Variants in SAMTOR observed in about 807,000 individuals in gnomAD.
SAMTOR encodes S-adenosylmethionine sensor upstream of mTORC1.
At chr7:112,861,568 T>C in the SAMTOR span, among the ~76,000 whole-genome samples, 1 of 152,230 alleles carries the variant, frequency 6.6e-6, no homozygotes, top group African/African-American at 2.4e-5. Flanking sequence ...TTTTTGGAAT[T>C]ATTTATTGCT....
the SAMTOR span, among the ~76,000 whole-genome samples, chr7:112,904,708 A>G: frequency 6.6e-6 from 1 of 152,186 alleles, no homozygotes; most frequent in Non-Finnish European, 1.5e-5. Flanking sequence ...CACCAAATAT[A>G]TAGAATAGAA....
the SAMTOR span, among the ~76,000 whole-genome samples, chr7:112,905,580 C>T: frequency 2.0e-5 from 3 of 151,864 alleles, no homozygotes; most frequent in Non-Finnish European, 2.9e-5. Flanking sequence ...TAAATATGAC[C>T]AAGTGATATG....
the SAMTOR span, among the ~76,000 whole-genome samples, chr7:112,918,098 G>C: frequency 6.6e-6 from 1 of 152,038 alleles, no homozygotes; most frequent in Non-Finnish European, 1.5e-5. Context: ...TACAGAGAAC[G>C]CCACAAAGAT....
the SAMTOR span, among the ~76,000 whole-genome samples, chr7:112,902,446 AAAC>A: frequency 5.1e-3 from 668 of 131,122 alleles, 94 homozygotes; most frequent in Non-Finnish European, 7.6e-3. Flanking sequence ...AAACAAAAAA[AAAC>A]AAAAAAAAAA....
the SAMTOR span, among the ~76,000 whole-genome samples, chr7:112,919,968 A>G: frequency 6.6e-6 from 1 of 152,188 alleles, no homozygotes; most frequent in Non-Finnish European, 1.5e-5. Flanking sequence ...TAGCTTACCA[A>G]CCAAAAAGAG....
the SAMTOR span, among the ~76,000 whole-genome samples, chr7:112,888,496 A>G: frequency 6.6e-6 from 1 of 152,136 alleles, no homozygotes. Context: ...GAAATGGGTA[A>G]TTGGGGTTTG....
chr7:112,932,565 G>A, the SAMTOR span, among the ~76,000 whole-genome samples: 1 of 152,286 alleles, frequency 6.6e-6, no homozygotes, highest in South Asian at 2.1e-4. Context: ...ACAAGGCCTG[G>A]TGCTATGTAC....
chr7:112,828,653 CTTTAAAGAG>C, the SAMTOR span, among the ~76,000 whole-genome samples: 2 of 141,836 alleles, frequency 1.4e-5, no homozygotes, highest in African/African-American at 2.8e-5. Context: ...GGTAAATTAT[CTTTAAAGAG>C]TTTAAACAAC....
the SAMTOR span, among the ~76,000 whole-genome samples, chr7:112,867,526 T>C: frequency 6.6e-6 from 1 of 152,148 alleles, no homozygotes; most frequent in African/African-American, 2.4e-5. Flanking sequence ...TACCCATACG[T>C]GAAGAAGTTA....
the SAMTOR span, among the ~76,000 whole-genome samples, chr7:112,886,235 C>T: frequency 4.6e-5 from 7 of 152,080 alleles, no homozygotes; most frequent in South Asian, 2.1e-4. Context: ...GGTGAGGACA[C>T]GGCCAAACCA....
the SAMTOR span, among the ~76,000 whole-genome samples, chr7:112,842,689 G>A: frequency 6.6e-6 from 1 of 151,958 alleles, no homozygotes; most frequent in Non-Finnish European, 1.5e-5. Flanking sequence ...TTATGAAAGT[G>A]TATGTAAATA....
chr7:112,854,600 A>G, the SAMTOR span, among the ~76,000 whole-genome samples: 1 of 152,316 alleles, frequency 6.6e-6, no homozygotes, highest in South Asian at 2.1e-4. Context: ...AATGTAGGAA[A>G]TGTATTCTCT....
At chr7:112,909,873 A>AATATTATATT in the SAMTOR span, among the ~76,000 whole-genome samples, 1 of 150,726 alleles carries the variant, frequency 6.6e-6, no homozygotes, top group African/African-American at 2.4e-5. Context: ...AACACTATAT[A>AATATTATATT]ATATTATATT....
chr7:112,819,424 C>CAGTA, the SAMTOR span: 1 of 152,132 alleles, frequency 6.6e-6, no homozygotes, highest in Non-Finnish European at 1.5e-5. Flanking sequence ...AGTACCCATA[C>CAGTA]AGTATTAGAA....
the SAMTOR span, among the ~76,000 whole-genome samples, chr7:112,900,854 A>G: frequency 6.6e-6 from 1 of 152,238 alleles, no homozygotes; most frequent in South Asian, 2.1e-4. Flanking sequence ...GAAAAAAAGT[A>G]AATCTAGATA....
chr7:112,840,536 G>A, the SAMTOR span, among the ~76,000 whole-genome samples: 1 of 151,710 alleles, frequency 6.6e-6, no homozygotes, highest in East Asian at 1.9e-4. Flanking sequence ...TTTAACTTCT[G>A]TCTTTAACCA....
the SAMTOR span, among the ~76,000 whole-genome samples, chr7:112,885,671 G>C: frequency 6.6e-6 from 1 of 152,228 alleles, no homozygotes; most frequent in South Asian, 2.1e-4. Context: ...CAAGTCTTTA[G>C]GAAGTTCCAA....
At chr7:112,853,656 C>T in the SAMTOR span, among the ~76,000 whole-genome samples, 1 of 151,922 alleles carries the variant, frequency 6.6e-6, no homozygotes, top group East Asian at 1.9e-4. Flanking sequence ...GTTGTTTTTT[C>T]AAAGTGCTCT....
the SAMTOR span, among the ~76,000 whole-genome samples, chr7:112,922,881 G>T: frequency 1.7e-5 from 2 of 115,818 alleles, no homozygotes; most frequent in Admixed American, 9.1e-5. Flanking sequence ...AGGGAGGTGG[G>T]GGGGTCAGCC....
Sources: allele counts gnomAD v4.1 joint callset (sites outside exome capture counted in the v4.1 genomes callset), GRCh38; gene constraint gnomAD v4.1.1; transcripts MANE v1.5; gene names NCBI Gene and HGNC (gene_info 2026-07-23, HGNC 2026-07-21).